PCMT1: variants seen among roughly 807,000 people sequenced by gnomAD.
PCMT1 encodes the protein protein-L-isoaspartate(D-aspartate) O-methyltransferase.
A neutral mutation model predicts 29.2 loss-of-function variants in PCMT1; 9 were observed. That is an observed-to-expected ratio of 0.31 (90% CI 0.19 to 0.54). PCMT1 has a LOEUF of 0.54. Ranked by LOEUF, PCMT1 falls within the 20% of genes least tolerant of loss-of-function variation. The pLI, the probability that PCMT1 is intolerant of heterozygous loss-of-function variation, is 0.95. For synonymous variants in PCMT1, 98 were observed against 97.5 expected (o/e 1.00, Z -0.03); for missense variants, 184 against 282.2 (o/e 0.65, Z 2.49).
chr6:149,769,300 G>C, intron 1 of PCMT1, among the ~76,000 whole-genome samples: 1 of 86,720 alleles, frequency 1.2e-5, no homozygotes, highest in Non-Finnish European at 2.0e-5. Flanking sequence ...ACCTATTTGT[G>C]CAGGATTCTT....
At chr6:149,771,677 T>C (rs760484288) in intron 2 of PCMT1, among the ~76,000 whole-genome samples, 6 of 152,030 alleles carry the variant, frequency 3.9e-5, no homozygotes, top group Non-Finnish European at 5.9e-5. Flanking sequence ...CCACCATGCC[T>C]GGCTAATTTT....
chr6:149,778,883 A>G (rs916818001), intron 3 of PCMT1, among the ~76,000 whole-genome samples: 3 of 152,284 alleles, frequency 2.0e-5, no homozygotes, highest in African/African-American at 7.2e-5. Context: ...TTTTTTGTAT[A>G]TTACCTATTC....
In PCMT1 at chr6:149,796,518, C is replaced by G; in HGVS notation, c.504+18C>G. ...CCCAGGCGGTGAGTCGGGATTTTTT[C>G]TGTTTGTGTGTTTTTATTCAACTAA... is the stretch of plus-strand genomic sequence containing the variant. On this transcript the variant is annotated intron_variant, in intron 6 of 7. Transcript: ENST00000464889. 6.3e-7 allele frequency: 1 copy of G among 1,583,600 alleles called. No homozygotes were observed. The highest frequency in any genetic ancestry group is 8.6e-7 in the Non-Finnish European group (1 of 1,156,634).
At position 149,771,133 on chromosome 6, in the gene PCMT1, T is replaced by C. The variant is rs777318063; in HGVS notation, c.56-29T>C. The C allele has an allele frequency of 7.1e-6, 9 of 1,266,084 alleles. No homozygotes were observed. In the South Asian group the frequency reaches 7.2e-5, roughly 10 times the overall value. 78.4% of individuals were successfully genotyped at this position (1,266,084 alleles called of 1,614,324 possible). A position where few individuals can be genotyped will look rare whatever the true frequency, so the allele number is the denominator to read the frequency against. ...AATATCTCTGATCATGTCTCTCTCT[T>C]CTGAAAATATTTGCCTCACTTGTTT... On this transcript the variant is annotated intron_variant, in intron 1 of 7. Transcript: ENST00000464889.
chr6:149,767,329 G>A (rs1306711838), intron 1 of PCMT1, among the ~76,000 whole-genome samples: 1 of 151,760 alleles, frequency 6.6e-6, no homozygotes, highest in Non-Finnish European at 1.5e-5. Context: ...CACAGTGCTG[G>A]AATTATAGGC....
intron 3 of PCMT1, among the ~76,000 whole-genome samples, chr6:149,788,271 G>C (rs775206235): frequency 3.5e-4 from 53 of 152,036 alleles, no homozygotes; most frequent in Non-Finnish European, 6.5e-4. Context: ...TACAATTTTT[G>C]AAATCTGGAA....
At chr6:149,779,045 A>AC (rs1027544957) in intron 3 of PCMT1, among the ~76,000 whole-genome samples, 11 of 150,816 alleles carry the variant, frequency 7.3e-5, no homozygotes, top group African/African-American at 1.2e-4. Context: ...GCCCCACCCC[A>AC]CCCCCCCACT....
intron 3 of PCMT1, among the ~76,000 whole-genome samples, chr6:149,784,579 C>T (rs949073840): frequency 6.6e-6 from 1 of 152,008 alleles, no homozygotes; most frequent in Non-Finnish European, 1.5e-5. Context: ...ATCCTCTCAC[C>T]TCAGCCTCTC....
chr6:149,760,755 G>T (rs1055798547), intron 1 of PCMT1, among the ~76,000 whole-genome samples: 2 of 152,166 alleles, frequency 1.3e-5, no homozygotes, highest in East Asian at 3.8e-4. Context: ...GGGAGGCTGA[G>T]GCAGGACAAT....
rs533827029 is a variant in PCMT1 at position 149,750,053 on chromosome 6, C to T, written c.55+97C>T. ...CCGGAACGTTCTGTCTGTCCCCGCG[C>T]GCCTGTTGGAGGGCTTCGGCGCAGA... On this transcript the variant is annotated intron_variant, in intron 1 of 7. Transcript: ENST00000464889. The T allele has an allele frequency of 3.5e-6, 5 of 1,445,320 alleles. No individual in the cohort carries two copies. The African/African-American group carries it at 5.7e-5, about 17-fold the overall frequency. 89.5% of individuals were successfully genotyped at this position (1,445,320 alleles called of 1,614,324 possible).
At chr6:149,800,495 AC>A (rs1775794196) in intron 6 of PCMT1, among the ~76,000 whole-genome samples, 1 of 151,974 alleles carries the variant, frequency 6.6e-6, no homozygotes, top group Admixed American at 6.6e-5. Flanking sequence ...ACAACAAAAA[AC>A]AAAACAAAAC....
chr6:149,756,300 A>G (rs1301612293), intron 1 of PCMT1, among the ~76,000 whole-genome samples: 2 of 151,582 alleles, frequency 1.3e-5, no homozygotes, highest in Non-Finnish European at 2.9e-5. Context: ...CTACAGCACC[A>G]GTTCTTAGCC....
chr6:149,779,576 G>C (rs56374774), intron 3 of PCMT1, among the ~76,000 whole-genome samples: 3 of 152,068 alleles, frequency 2.0e-5, no homozygotes, highest in African/African-American at 7.2e-5. Context: ...TTGGGAGGCC[G>C]AGGCAGGTGG....
chr6:149,792,990 G>A (rs12207306), intron 4 of PCMT1, among the ~76,000 whole-genome samples: 28,192 of 151,738 alleles, frequency 0.19, 3,448 homozygotes, highest in Non-Finnish European at 0.27. Context: ...GTGAAACCCT[G>A]TCTCTACTAA....
At chr6:149,799,965 G>A (rs894618285) in intron 6 of PCMT1, among the ~76,000 whole-genome samples, 3 of 152,176 alleles carry the variant, frequency 2.0e-5, no homozygotes, top group African/African-American at 4.8e-5. Context: ...CTTATCTAGC[G>A]TATGTTTTGA....
chr6:149,798,965 A>C (rs1468100507), intron 6 of PCMT1: 1 of 152,206 alleles, frequency 6.6e-6, no homozygotes, highest in Non-Finnish European at 1.5e-5. Flanking sequence ...TTAAAATAAG[A>C]AAAAAGAACA....
chr6:149,782,229 G>T (rs1787843675), intron 3 of PCMT1, among the ~76,000 whole-genome samples: 1 of 151,916 alleles, frequency 6.6e-6, no homozygotes, highest in African/African-American at 2.4e-5. Context: ...ATGTGAATAG[G>T]GTAAAATATT....
intron 7 of PCMT1, among the ~76,000 whole-genome samples, chr6:149,803,040 A>C (rs1344635257): frequency 3.0e-5 from 4 of 132,580 alleles, no homozygotes; most frequent in African/African-American, 1.2e-4. Context: ...GAGACAGAGC[A>C]AGGCTCTGTC....
chr6:149,790,983 G>GCAACAA (rs370536400), intron 4 of PCMT1, among the ~76,000 whole-genome samples: 1 of 151,968 alleles, frequency 6.6e-6, no homozygotes, highest in Non-Finnish European at 1.5e-5. Context: ...TCCAGCCTGG[G>GCAACAA]CAACAACAAC....
Sources: gnomAD v4.1 joint callset for allele counts (sites outside exome capture counted in the v4.1 genomes callset) on GRCh38, gnomAD v4.1.1 for gene constraint, MANE v1.5 for transcripts, NCBI Gene and HGNC (gene_info 2026-07-23, HGNC 2026-07-21) for gene names.